SREBF2: variants seen among roughly 807,000 people sequenced by gnomAD.
SREBF2 encodes sterol regulatory element-binding protein 2.
Under a neutral mutation model 113.1 loss-of-function variants are expected in SREBF2, and 55 were observed. The ratio of observed to expected loss-of-function variants is 0.49; its 90% CI spans 0.39 to 0.61. The LOEUF (loss-of-function observed/expected upper bound fraction) is 0.61. Ranked by LOEUF, SREBF2 falls within the 20% of genes least tolerant of loss-of-function variation. The probability of loss-of-function intolerance (pLI) is 0.00; values close to 1 mark genes in which losing one functional copy is unlikely to be tolerated. For synonymous variants in SREBF2, 593 were observed against 605.7 expected, an observed-to-expected ratio of 0.98 and a Z score of 0.31; for missense variants, 1,349 against 1,487.4, an observed-to-expected ratio of 0.91 and a Z score of 1.53.
chr22:41,877,408 G>C lies in SREBF2; in HGVS notation c.1566G>C (p.Leu522=). The change falls in exon 8 of 19, where the codon CTG becomes CTC. Residue 522 remains leucine (L), a synonymous_variant. Coordinates refer to ENST00000361204, the MANE Select transcript of SREBF2 (RefSeq NM_004599.4). ...ACTCAGGCTCTGGCCGCAGTGTCCT[G>C]TCATTCGAGTCAGGTAGGTGGAGGC... The part of the protein sequence containing the change: ...HPHSGSGRSV[L]SFESGSGGWF... 1.2e-6 allele frequency: 2 copies of C among 1,614,196 alleles called. No individual in the cohort carries two copies. The highest frequency in any genetic ancestry group is 1.7e-6 in the Non-Finnish European group (2 of 1,180,024).
intron 1 of SREBF2, among the ~76,000 whole-genome samples, chr22:41,844,065 C>CACACACACACACACACAT (rs369136150): frequency 7.1e-4 from 103 of 146,090 alleles, no homozygotes; most frequent in Non-Finnish European, 1.2e-3. Flanking sequence ...CACACACACA[C>CACACACACACACACACAT]GTATATGTAT....
chr22:41,862,026 GGC>G (rs2077031991), intron 1 of SREBF2, among the ~76,000 whole-genome samples: 1 of 152,094 alleles, frequency 6.6e-6, no homozygotes, highest in African/African-American at 2.4e-5. Flanking sequence ...CCCCTAATAG[GGC>G]TGGGTAACAA....
Position 41,904,913 on chromosome 22 carries a change from C to G in SREBF2, c.3144C>G (p.Thr1048=). ...GCCTGATGGCAGGAGCCAGCCCCAC[C>G]CGCACCCACCAGCTGCTGGAACACA... ...TVRLMAGASP[T]RTHQLLEHSL... is the part of the protein sequence containing the mutation. Residue 1048 remains threonine, a synonymous_variant, in exon 18 of 19, where the codon ACC becomes ACG. Transcript: ENST00000361204. 6.2e-7 allele frequency: 1 copy of G among 1,606,000 alleles called. No individual in the cohort carries two copies. Among genetic ancestry groups the G allele is most frequent in the South Asian group, 1.1e-5 (1 of 90,142 alleles).
Position 41,905,577 on chromosome 22 carries a change from A to T in SREBF2, c.3343A>T (p.Lys1115Ter). 1 of 1,598,188 alleles carries T rather than the reference A, an allele frequency of 6.3e-7. No homozygotes were observed. Among genetic ancestry groups the T allele is most frequent in the Non-Finnish European group, 8.5e-7 (1 of 1,173,320 alleles). The change falls in exon 19 of 19, where the codon AAG becomes TAG. Residue 1115 changes from lysine (K) to a stop codon, truncating the protein, a stop_gained. Transcript: ENST00000361204. LOFTEE classifies it high-confidence loss of function. Reference sequence around the variant, plus strand: ...GGCCGAAGCTGCCCGCACCCTGGAGAAGGTGGGCGACCGGCGCTCCTGCAA... The same window carrying T: ...GGCCGAAGCTGCCCGCACCCTGGAGTAGGTGGGCGACCGGCGCTCCTGCAA... ...LLAEAARTLE[K>*]VGDRRSCNDC...
chr22:41,833,243 A>T lies in SREBF2; in HGVS notation c.-28A>T, dbSNP rs2076729082. 6.6e-7 allele frequency: 1 copy of T among 1,507,330 alleles called. No individual in the cohort carries two copies. Among genetic ancestry groups the T allele is most frequent in the Non-Finnish European group, 8.9e-7 (1 of 1,127,332 alleles). 93.4% of individuals were successfully genotyped at this position (1,507,330 alleles called of 1,614,324 possible). A position where few individuals can be genotyped will look rare whatever the true frequency, so the allele number is the denominator to read the frequency against. On this transcript the variant is annotated 5_prime_UTR_variant, in exon 1 of 19. Coordinates refer to ENST00000361204, the MANE Select transcript of SREBF2 (RefSeq NM_004599.4). The surrounding 1 kb of genome is among the most constrained non-coding windows in gnomAD (Gnocchi z 4.1). ...CCCGCGTCTCCCTGAGCGGGACGGC[A>T]GGGGGGGCTTCTGCGCTGAGCCGGG...
At chr22:41,899,354 T>G in intron 15 of SREBF2, 1 of 1,017,352 alleles carries the variant, frequency 9.8e-7, no homozygotes, top group Non-Finnish European at 1.2e-6. Flanking sequence ...TGTCTGCGTC[T>G]TGGGGGCATT....
chr22:41,850,029 A>C (rs147380069), intron 1 of SREBF2, among the ~76,000 whole-genome samples: 1 of 152,004 alleles, frequency 6.6e-6, no homozygotes, highest in Non-Finnish European at 1.5e-5. Context: ...AGTCCCAGCT[A>C]CTCGGGAGGC....
intron 1 of SREBF2, among the ~76,000 whole-genome samples, chr22:41,862,886 G>C (rs2077039600): frequency 6.6e-6 from 1 of 152,340 alleles, no homozygotes; most frequent in Non-Finnish European, 1.5e-5. Context: ...TTGTGTGTGG[G>C]TTGAAAGGGA....
Position 41,903,041 on chromosome 22 carries a change from C to T in SREBF2, c.2979C>T (p.Ala993=), listed in dbSNP as rs1429871573. The T allele has an allele frequency of 1.9e-6, 3 of 1,609,158 alleles. No individual in the cohort carries two copies. The highest frequency in any genetic ancestry group is 2.2e-5 in the South Asian group (2 of 90,110). The part of the protein sequence containing the change: ...RTALWQKQAS[A]SQAVGETYHA... ...CGCTCTGGCAAAAACAGGCCAGTGC[C>T]AGCCAGGCTGTGGGGGAGACCTACC... is the stretch of plus-strand genomic sequence containing the variant. Residue 993 remains alanine, a synonymous_variant, in exon 17 of 19, where the codon GCC becomes GCT. Transcript: ENST00000361204.
At chr22:41,847,119 TA>T (rs1461322927) in intron 1 of SREBF2, among the ~76,000 whole-genome samples, 1 of 152,164 alleles carries the variant, frequency 6.6e-6, no homozygotes, top group Non-Finnish European at 1.5e-5. Flanking sequence ...GGGGGCATGG[TA>T]ATGGATGGAA....
chr22:41,899,374 T>G, intron 15 of SREBF2: 3 of 1,010,874 alleles, frequency 3.0e-6, no homozygotes, highest in Non-Finnish European at 3.6e-6. Flanking sequence ...TCGGCACTAG[T>G]GATGGGCAGC....
At chr22:41,888,329 G>A (rs1569404102) in intron 11 of SREBF2, among the ~76,000 whole-genome samples, 1 of 152,186 alleles carries the variant, frequency 6.6e-6, no homozygotes, top group Admixed American at 6.5e-5. Context: ...GGAGGTAGGA[G>A]TGCAAGATCT....
chr22:41,856,210 T>C (rs1490549894), intron 1 of SREBF2, among the ~76,000 whole-genome samples: 2 of 151,522 alleles, frequency 1.3e-5, no homozygotes, highest in East Asian at 3.9e-4. Flanking sequence ...CACTGCAACC[T>C]TCACCTCCCA....
intron 1 of SREBF2, among the ~76,000 whole-genome samples, chr22:41,863,632 C>G (rs1382208529): frequency 6.6e-6 from 1 of 152,198 alleles, no homozygotes; most frequent in Non-Finnish European, 1.5e-5. Context: ...GCTGCAATAT[C>G]TGTAGCAATC....
At chr22:41,846,714 T>G (rs1470536212) in intron 1 of SREBF2, among the ~76,000 whole-genome samples, 2 of 152,346 alleles carry the variant, frequency 1.3e-5, no homozygotes, top group East Asian at 3.9e-4. Context: ...TTGCTCAAAC[T>G]ATTTCCTTTG....
chr22:41,864,321 A>AT (rs1188477045), intron 1 of SREBF2, among the ~76,000 whole-genome samples: 5 of 101,894 alleles, frequency 4.9e-5, no homozygotes, highest in Non-Finnish European at 5.5e-5. Flanking sequence ...ATATATATAT[A>AT]TATTTTTTTT....
At chr22:41,891,081 C>T (rs891790882) in intron 11 of SREBF2, among the ~76,000 whole-genome samples, 3 of 152,174 alleles carry the variant, frequency 2.0e-5, no homozygotes, top group South Asian at 2.1e-4. Flanking sequence ...CCTGGAGCAG[C>T]CACCAGGCTC....
intron 2 of SREBF2, 138 bp from the exon 3 acceptor site, chr22:41,868,473 A>G (rs1403206705): frequency 1.0e-5 from 10 of 967,908 alleles, no homozygotes; most frequent in Non-Finnish European, 1.6e-5. Flanking sequence ...CACCTTGTAA[A>G]TGGCTGTGCA....
intron 11 of SREBF2, among the ~76,000 whole-genome samples, chr22:41,887,085 C>T (rs1183601109): frequency 1.3e-5 from 2 of 151,708 alleles, no homozygotes; most frequent in Non-Finnish European, 2.9e-5. Context: ...TGTGGTGGTG[C>T]ACACCTGTAA....
Sources: allele counts gnomAD v4.1 joint callset (sites outside exome capture counted in the v4.1 genomes callset), GRCh38; gene constraint gnomAD v4.1.1; non-coding constraint Gnocchi (gnomAD v3.1); transcripts MANE v1.5; gene names NCBI Gene and HGNC (gene_info 2026-07-23, HGNC 2026-07-21).